PTPRN2: variants seen among roughly 807,000 people sequenced by gnomAD.
PTPRN2 encodes the protein receptor-type tyrosine-protein phosphatase N2.
In PTPRN2, 74 loss-of-function variants were observed where a neutral mutation model predicts 118.8. The ratio of observed to expected loss-of-function variants is 0.62; its 90% CI spans 0.52 to 0.76. The LOEUF is 0.76. Ranked by LOEUF, PTPRN2 falls within the 30% of genes least tolerant of loss-of-function variation. The probability of loss-of-function intolerance (pLI) is 0.00; values close to 1 mark genes in which losing one functional copy is unlikely to be tolerated. For missense variants in PTPRN2, 1,481 were observed against 1,394.4 expected, an observed-to-expected ratio of 1.06 and a Z score of -0.99; for synonymous variants, 641 against 608.0, an observed-to-expected ratio of 1.05 and a Z score of -0.80.
At position 157,716,469 on chromosome 7, in the gene PTPRN2, A is replaced by G. The variant is rs13308345; in HGVS notation, c.1789-33532T>C. 4.5e-4 allele frequency among the ~76,000 whole-genome samples: 25 copies of G among 56,020 alleles called. 2 individuals carry two copies. The highest frequency in any genetic ancestry group is 0.026 in the Middle Eastern group (2 of 76). The allele number at this position is 56,020 out of a possible 152,430, so 36.8% of individuals were successfully genotyped here. A position where few individuals can be genotyped will look rare whatever the true frequency, so the allele number is the denominator to read the frequency against. On this transcript the variant is annotated intron_variant, in intron 12 of 22. Transcript: ENST00000389418. The stretch of plus-strand genomic sequence containing the variant: ...CACTGCCTGGCCACGTAGACTCTGC[A>G]GGAACACTGCCTGGCCACGTAGACT...
intron 2 of PTPRN2, among the ~76,000 whole-genome samples, chr7:158,445,754 T>C (rs1303589474): frequency 6.6e-6 from 1 of 152,198 alleles, no homozygotes. Context: ...CTGCCCCAAG[T>C]CAGCCTGTCC....
chr7:158,181,231 G>A (rs781133694), intron 5 of PTPRN2, among the ~76,000 whole-genome samples: 13 of 152,062 alleles, frequency 8.5e-5, no homozygotes, highest in African/African-American at 1.9e-4. Context: ...TTTATGTGAC[G>A]TATCACATTT....
At chr7:157,969,585 A>G (rs1336528785) in intron 11 of PTPRN2, among the ~76,000 whole-genome samples, 1 of 151,894 alleles carries the variant, frequency 6.6e-6, no homozygotes. Context: ...AGGGGTAGCC[A>G]TGGAGTTGGG....
At chr7:157,947,495 G>A (rs974408218) in intron 11 of PTPRN2, among the ~76,000 whole-genome samples, 1 of 152,178 alleles carries the variant, frequency 6.6e-6, no homozygotes, top group Non-Finnish European at 1.5e-5. Flanking sequence ...GGTGGTACCA[G>A]GGGGCAGTAT....
intron 12 of PTPRN2, among the ~76,000 whole-genome samples, chr7:157,738,276 A>C (rs1208456612): frequency 6.6e-6 from 1 of 152,142 alleles, no homozygotes; most frequent in East Asian, 1.9e-4. Flanking sequence ...TCTGAATTCG[A>C]CATCTCTCCC....
rs547296572 is a variant in PTPRN2, at chr7:157,594,454, G to A, written c.2496+784C>T. On this transcript the variant is annotated intron_variant, in intron 17 of 22. Transcript: ENST00000389418. The stretch of plus-strand genomic sequence containing the variant: ...CAGGAGGCTGCAGCCTGATCCCAGC[G>A]TCACTGCTGCGACAGGCACCTCCCT... 1.5e-3 allele frequency among the ~76,000 whole-genome samples: 222 copies of A among 152,282 alleles called. 1 individual carries two copies. Among genetic ancestry groups the A allele is most frequent in the Middle Eastern group, 6.8e-3 (2 of 294 alleles).
chr7:157,775,991 C>T (rs372231420), intron 12 of PTPRN2, among the ~76,000 whole-genome samples: 2 of 151,926 alleles, frequency 1.3e-5, no homozygotes, highest in African/African-American at 2.4e-5. Context: ...GGGGGATAGC[C>T]GCAGCCAGCT....
At chr7:158,354,607 A>C (rs573303378) in intron 2 of PTPRN2, among the ~76,000 whole-genome samples, 1 of 152,350 alleles carries the variant, frequency 6.6e-6, no homozygotes, top group South Asian at 2.1e-4. Context: ...CAGAGGAAAG[A>C]ATCAGTGAGC....
At chr7:157,681,635 G>C (rs1394179725) in intron 13 of PTPRN2, among the ~76,000 whole-genome samples, 3 of 152,168 alleles carry the variant, frequency 2.0e-5, no homozygotes, top group Non-Finnish European at 4.4e-5. Context: ...TCCTTATGTG[G>C]GGGAGGGTCC....
chr7:158,444,851 T>G (rs1441060032), intron 2 of PTPRN2, among the ~76,000 whole-genome samples: 2 of 152,196 alleles, frequency 1.3e-5, no homozygotes, highest in Non-Finnish European at 2.9e-5. Flanking sequence ...GTCCCCTCAC[T>G]GCTGTGCAGC....
At chr7:157,824,703 TG>T (rs1378316134) in intron 12 of PTPRN2, among the ~76,000 whole-genome samples, 2 of 152,146 alleles carry the variant, frequency 1.3e-5, no homozygotes, top group African/African-American at 4.8e-5. Context: ...GGCTGTCTGT[TG>T]GTGGGCAGAA....
chr7:158,410,534 C>A (rs1252459714), intron 2 of PTPRN2, among the ~76,000 whole-genome samples: 1 of 152,190 alleles, frequency 6.6e-6, no homozygotes, highest in Non-Finnish European at 1.5e-5. Flanking sequence ...AGGGCAGAGG[C>A]TCCCAGTCTG....
chr7:158,026,119 G>A (rs1281024852), intron 11 of PTPRN2, among the ~76,000 whole-genome samples: 2 of 152,256 alleles, frequency 1.3e-5, no homozygotes, highest in African/African-American at 2.4e-5. Context: ...GGAAACCGGG[G>A]TCGGCGCGGA....
intron 12 of PTPRN2, among the ~76,000 whole-genome samples, chr7:157,773,754 C>T (rs1803027458): frequency 6.6e-6 from 1 of 152,180 alleles, no homozygotes; most frequent in African/African-American, 2.4e-5. Flanking sequence ...AACCTCAGCC[C>T]CCAGGTCCTG....
intron 2 of PTPRN2, among the ~76,000 whole-genome samples, chr7:158,450,036 G>A (rs1220251034): frequency 6.6e-6 from 1 of 152,218 alleles, no homozygotes; most frequent in Non-Finnish European, 1.5e-5. Context: ...GGGGGTGCCA[G>A]CACAGTCTGC....
chr7:158,492,454 GAT>G (rs1260205257), intron 1 of PTPRN2, among the ~76,000 whole-genome samples: 1 of 152,238 alleles, frequency 6.6e-6, no homozygotes, highest in Non-Finnish European at 1.5e-5. Context: ...CTGACAGTTA[GAT>G]GTGATCTGAA....
intron 11 of PTPRN2, among the ~76,000 whole-genome samples, chr7:157,976,835 G>T (rs900067711): frequency 6.6e-6 from 1 of 152,022 alleles, no homozygotes; most frequent in South Asian, 2.1e-4. Flanking sequence ...AACTGTGGGG[G>T]TATAGAGGTG....
intron 11 of PTPRN2, among the ~76,000 whole-genome samples, chr7:157,966,278 T>G (rs1563281067): frequency 6.6e-6 from 1 of 152,068 alleles, no homozygotes; most frequent in Non-Finnish European, 1.5e-5. Flanking sequence ...GAGACTCCTC[T>G]TTCTCCTTCA....
intron 3 of PTPRN2, among the ~76,000 whole-genome samples, chr7:158,233,530 G>A (rs1469458922): frequency 1.3e-5 from 2 of 152,078 alleles, no homozygotes; most frequent in Non-Finnish European, 2.9e-5. Flanking sequence ...CCTATTAGAT[G>A]AGATGGGGCT....
Sources: allele counts gnomAD v4.1 joint callset (sites outside exome capture counted in the v4.1 genomes callset), GRCh38; gene constraint gnomAD v4.1.1; transcripts MANE v1.5; gene names NCBI Gene and HGNC (gene_info 2026-07-23, HGNC 2026-07-21).